Variants in WDR7 observed in about 807,000 individuals in gnomAD.
The protein encoded by WDR7 is WD repeat domain 7.
In WDR7, 46 loss-of-function variants were observed where a neutral mutation model predicts 169.4. That is an observed-to-expected ratio of 0.27 (90% confidence interval 0.21 to 0.35). The LOEUF (loss-of-function observed/expected upper bound fraction) is 0.35, where lower values mean the gene tolerates loss of function less well. Among genes scored for constraint, WDR7 ranks in the 10% least tolerant of loss-of-function variants. The pLI is 1.00. For synonymous variants in WDR7, 612 were observed against 666.8 expected, an observed-to-expected ratio of 0.92 and a Z score of 1.27; for missense variants, 1,534 against 1,859.3, an observed-to-expected ratio of 0.83 and a Z score of 3.22.
intron 26 of WDR7, among the ~76,000 whole-genome samples, chr18:56,977,984 A>T (rs1261275071): frequency 6.6e-6 from 1 of 152,232 alleles, no homozygotes; most frequent in Non-Finnish European, 1.5e-5. Context: ...TAACTCACAC[A>T]GATTTATTAC....
intron 12 of WDR7, among the ~76,000 whole-genome samples, chr18:56,698,649 A>C (rs1283101211): frequency 6.6e-6 from 1 of 152,104 alleles, no homozygotes; most frequent in African/African-American, 2.4e-5. Context: ...AAATAATAAA[A>C]TGTTTTTGAC....
chr18:56,858,459 C>CT (rs113869669), intron 20 of WDR7, among the ~76,000 whole-genome samples: 25 of 151,936 alleles, frequency 1.6e-4, no homozygotes, highest in Non-Finnish European at 2.4e-4. Flanking sequence ...ATTTCACATT[C>CT]TTTTTTTTAT....
At chr18:56,679,525 C>A in intron 3 of WDR7, 87 bp downstream of exon 3, 1 of 789,458 alleles carries the variant, frequency 1.3e-6, no homozygotes. Flanking sequence ...TTTTTTTTTT[C>A]TTTTAGAATA....
At chr18:56,946,371 C>T (rs544888525) in intron 25 of WDR7, among the ~76,000 whole-genome samples, 61 of 152,286 alleles carry the variant, frequency 4.0e-4, no homozygotes, top group African/African-American at 1.4e-3. Context: ...GTCCCTTCTA[C>T]GAAGACTCAA....
At chr18:56,865,553 A>G (rs1452156049) in intron 20 of WDR7, among the ~76,000 whole-genome samples, 2 of 152,130 alleles carry the variant, frequency 1.3e-5, no homozygotes, top group Non-Finnish European at 2.9e-5. Context: ...TTTATAGTAG[A>G]CAACTTACAG....
chr18:56,804,868 A>C (rs563642815), intron 19 of WDR7, among the ~76,000 whole-genome samples: 1 of 152,336 alleles, frequency 6.6e-6, no homozygotes, highest in East Asian at 1.9e-4. Context: ...ACATGCACAA[A>C]TGCTTATACA....
At chr18:56,742,912 T>C (rs2043642602) in intron 14 of WDR7, among the ~76,000 whole-genome samples, 1 of 148,398 alleles carries the variant, frequency 6.7e-6, no homozygotes, top group African/African-American at 2.4e-5. Flanking sequence ...GTGCTTAAGC[T>C]TTATCTTTTA....
At chr18:56,917,383 G>A (rs2046643561) in intron 21 of WDR7, among the ~76,000 whole-genome samples, 1 of 152,134 alleles carries the variant, frequency 6.6e-6, no homozygotes, top group South Asian at 2.1e-4. Context: ...ATAAAAATAT[G>A]TAACTATATT....
intron 26 of WDR7, among the ~76,000 whole-genome samples, chr18:57,011,639 G>A (rs1444493203): frequency 1.3e-5 from 2 of 152,164 alleles, no homozygotes; most frequent in Non-Finnish European, 2.9e-5. Flanking sequence ...AAAAAGCATT[G>A]CCTCAGCCCT....
Position 56,944,700 on chromosome 18 carries a change from G to A in WDR7, c.4064+5307G>A, listed in dbSNP as rs111838545. On this transcript the variant is annotated intron_variant, in intron 25 of 27. Transcript: ENST00000254442. Reference sequence around the variant, plus strand: ...TTTGAAAACAGAAATGGTTTAGAGCGCATACCAGTAAAATTTGATAGACAT... The same window carrying A: ...TTTGAAAACAGAAATGGTTTAGAGCACATACCAGTAAAATTTGATAGACAT... 5.3e-5 allele frequency among the ~76,000 whole-genome samples: 8 copies of A among 152,212 alleles called. No individual in the cohort carries two copies. In the East Asian group the frequency reaches 5.8e-4, roughly 11 times the overall value.
chr18:56,854,030 T>A (rs1188398639), intron 20 of WDR7, among the ~76,000 whole-genome samples: 2 of 152,244 alleles, frequency 1.3e-5, no homozygotes, highest in Non-Finnish European at 2.9e-5. Context: ...CACATACATA[T>A]AATTTTCTCT....
rs57152051 is a variant in WDR7 at position 56,838,210 on chromosome 18, A to AT, written c.3304+22076dup. Among the ~76,000 whole-genome samples, 675 of 149,076 alleles carry AT rather than the reference A, an allele frequency of 4.5e-3. 2 individuals are homozygous for AT. Among genetic ancestry groups the AT allele is most frequent in the Middle Eastern group, 0.021 (6 of 290 alleles). On this transcript the variant is annotated intron_variant, in intron 20 of 27. Transcript: ENST00000254442. ...TGTGTGTCATTGTTGCTTTATTATT[A>AT]TTTTTTTTTTGCCTTTTATTTCTTT...
At chr18:56,984,327 T>C (rs1280473705) in intron 26 of WDR7, among the ~76,000 whole-genome samples, 1 of 152,216 alleles carries the variant, frequency 6.6e-6, no homozygotes, top group East Asian at 1.9e-4. Flanking sequence ...TAGCAAAGTG[T>C]CAGTTACAAA....
chr18:56,732,896 T>A lies in WDR7; in HGVS notation c.1989+1299T>A, dbSNP rs139065738. 1.1e-3 allele frequency among the ~76,000 whole-genome samples: 175 copies of A among 152,320 alleles called. 1 individual carries two copies. The highest frequency in any genetic ancestry group is 4.1e-3 in the African/African-American group (169 of 41,586). On this transcript the variant is annotated intron_variant, in intron 14 of 27. Transcript: ENST00000254442. The stretch of plus-strand genomic sequence containing the variant: ...CAATATGTTTAAGAGCATGCATGCA[T>A]GTGGTGTAACTCCCAGATATATTCT...
At chr18:56,845,478 CTAA>C (rs1171141012) in intron 20 of WDR7, among the ~76,000 whole-genome samples, 1 of 151,890 alleles carries the variant, frequency 6.6e-6, no homozygotes, top group Non-Finnish European at 1.5e-5. Context: ...TCTCTGTTTA[CTAA>C]TAATGTAGTT....
intron 1 of WDR7, among the ~76,000 whole-genome samples, chr18:56,656,490 A>G (rs2041694): frequency 0.011 from 1,729 of 151,656 alleles, 43 homozygotes; most frequent in African/African-American, 0.04. Flanking sequence ...ATGTTGCCCA[A>G]GCTGGTCTCG....
At chr18:56,923,816 C>T (rs896783924) in intron 21 of WDR7, 106 bp from the exon 22 acceptor site, 10 of 1,122,050 alleles carry the variant, frequency 8.9e-6, no homozygotes, top group Non-Finnish European at 1.2e-5. Context: ...ATACCTTTTT[C>T]AGTTAAAAAA....
At chr18:56,988,883 G>A (rs778366369) in intron 26 of WDR7, among the ~76,000 whole-genome samples, 6 of 152,030 alleles carry the variant, frequency 3.9e-5, no homozygotes, top group Admixed American at 2.0e-4. Flanking sequence ...TAGTTTTGTA[G>A]CCTTGTTTTT....
chr18:56,935,669 TCTAA>T (rs2046949901), intron 22 of WDR7, 115 bp from the exon 23 acceptor site: 5 of 893,574 alleles, frequency 5.6e-6, no homozygotes, highest in Admixed American at 1.8e-5. Context: ...TCCATTATAT[TCTAA>T]CTGTTTGAGT....
Sources: gnomAD v4.1 joint callset for allele counts (sites outside exome capture counted in the v4.1 genomes callset) on GRCh38, gnomAD v4.1.1 for gene constraint, MANE v1.5 for transcripts, NCBI Gene and HGNC (gene_info 2026-07-23, HGNC 2026-07-21) for gene names.